AFF3: variants seen among roughly 807,000 people sequenced by gnomAD.
The protein encoded by AFF3 is ALF transcription elongation factor 3, also known as AF4/FMR2 family member 3.
Under a neutral mutation model 129.7 loss-of-function variants are expected in AFF3, and 32 were observed. That is an observed-to-expected ratio of 0.25 (90% confidence interval 0.19 to 0.33). The LOEUF (loss-of-function observed/expected upper bound fraction) is 0.33. AFF3 is among the 10% of genes least tolerant of loss of function. The pLI is 1.00. For synonymous variants in AFF3, 644 were observed against 635.4 expected, an observed-to-expected ratio of 1.01 and a Z score of -0.20; for missense variants, 1,373 against 1,592.0, an observed-to-expected ratio of 0.86 and a Z score of 2.34.
At chr2:99,842,916 CTCTT>C (rs1689428219) in intron 7 of AFF3, among the ~76,000 whole-genome samples, 1 of 152,164 alleles carries the variant, frequency 6.6e-6, no homozygotes, top group African/African-American at 2.4e-5. Flanking sequence ...AATAGTTTAA[CTCTT>C]TATCACACAC....
At chr2:99,722,859 T>G (rs553806141) in intron 11 of AFF3, among the ~76,000 whole-genome samples, 4 of 152,220 alleles carry the variant, frequency 2.6e-5, no homozygotes, top group African/African-American at 9.6e-5. Context: ...CCTCAAGCCA[T>G]TACAGCTGTG....
At chr2:99,563,930 T>C (rs1283470422) in intron 20 of AFF3, among the ~76,000 whole-genome samples, 1 of 152,022 alleles carries the variant, frequency 6.6e-6, no homozygotes, top group Non-Finnish European at 1.5e-5. Flanking sequence ...AGGTGGACAG[T>C]GTTCTCTACC....
intron 7 of AFF3, among the ~76,000 whole-genome samples, chr2:99,982,104 C>G (rs1180229181): frequency 6.6e-6 from 1 of 152,146 alleles, no homozygotes; most frequent in Admixed American, 6.5e-5. Context: ...GTGGGTGGGA[C>G]CAAACTACCA....
chr2:99,778,486 G>C (rs1256354353), intron 8 of AFF3, among the ~76,000 whole-genome samples: 1 of 152,086 alleles, frequency 6.6e-6, no homozygotes, highest in Non-Finnish European at 1.5e-5. Flanking sequence ...ACCATAACTG[G>C]CTGGGACAAT....
intron 8 of AFF3, among the ~76,000 whole-genome samples, chr2:99,753,025 T>C (rs889578395): frequency 5.3e-5 from 8 of 152,186 alleles, no homozygotes; most frequent in African/African-American, 1.9e-4. Flanking sequence ...CAATAAATGA[T>C]TACAGAATTA....
intron 7 of AFF3, among the ~76,000 whole-genome samples, chr2:99,895,500 C>A (rs1386541627): frequency 6.6e-6 from 1 of 152,188 alleles, no homozygotes; most frequent in East Asian, 1.9e-4. Flanking sequence ...TATTGAACTG[C>A]ATCCATTTAC....
intron 7 of AFF3, among the ~76,000 whole-genome samples, chr2:99,913,993 G>T (rs1276194406): frequency 3.3e-5 from 5 of 152,170 alleles, no homozygotes; most frequent in Non-Finnish European, 7.3e-5. Flanking sequence ...CATTTGGCAA[G>T]CACCACTGTA....
intron 7 of AFF3, among the ~76,000 whole-genome samples, chr2:99,932,321 TG>T (rs1166146438): frequency 6.6e-6 from 1 of 152,192 alleles, no homozygotes; most frequent in Admixed American, 6.5e-5. Context: ...TGGACACTCC[TG>T]GTATAGATGG....
intron 4 of AFF3, among the ~76,000 whole-genome samples, chr2:100,060,029 G>A (rs1157258968): frequency 1.3e-5 from 2 of 152,046 alleles, no homozygotes; most frequent in Non-Finnish European, 2.9e-5. Context: ...TGCAGTTAGA[G>A]AACACCCAAG....
At chr2:99,585,246 A>G (rs1035958443) in intron 16 of AFF3, among the ~76,000 whole-genome samples, 1 of 152,230 alleles carries the variant, frequency 6.6e-6, no homozygotes, top group Non-Finnish European at 1.5e-5. Context: ...GTGACATTAA[A>G]TATTATCATG....
intron 7 of AFF3, among the ~76,000 whole-genome samples, chr2:99,915,750 T>C (rs1695432333): frequency 6.6e-6 from 1 of 152,232 alleles, no homozygotes; most frequent in Admixed American, 6.5e-5. Flanking sequence ...AATTTGCTAT[T>C]TCTGGGTAGT....
chr2:99,609,190 T>C (rs1459400675), intron 13 of AFF3, among the ~76,000 whole-genome samples: 1 of 152,244 alleles, frequency 6.6e-6, no homozygotes, highest in Non-Finnish European at 1.5e-5. Context: ...TTTGTATTTT[T>C]TTCTTTATTT....
intron 13 of AFF3, among the ~76,000 whole-genome samples, chr2:99,634,621 C>T (rs2105426407): frequency 6.6e-6 from 1 of 152,250 alleles, no homozygotes. Context: ...TAATAGTTCT[C>T]CAGTCAGCTG....
intron 2 of AFF3, among the ~76,000 whole-genome samples, chr2:100,123,058 G>A (rs1466005712): frequency 6.6e-6 from 1 of 152,184 alleles, no homozygotes; most frequent in Non-Finnish European, 1.5e-5. Flanking sequence ...GTTCAAAAAT[G>A]GATGTAAAAA....
chr2:99,779,881 C>T (rs1391896392), intron 8 of AFF3, among the ~76,000 whole-genome samples: 2 of 152,198 alleles, frequency 1.3e-5, no homozygotes, highest in African/African-American at 4.8e-5. Context: ...AGAGCCACGA[C>T]CTGGATTCAG....
intron 8 of AFF3, among the ~76,000 whole-genome samples, chr2:99,834,473 T>C (rs772364696): frequency 3.3e-5 from 5 of 152,174 alleles, no homozygotes; most frequent in Non-Finnish European, 7.3e-5. Flanking sequence ...AGGGACGTAT[T>C]GCAATTGGAA....
intron 8 of AFF3, among the ~76,000 whole-genome samples, chr2:99,832,317 C>T (rs1411150999): frequency 2.0e-5 from 3 of 152,230 alleles, no homozygotes; most frequent in Admixed American, 6.5e-5. Context: ...GCTGTTCATT[C>T]TCAACAGGAG....
intron 4 of AFF3, among the ~76,000 whole-genome samples, chr2:100,045,303 C>T (rs1424642372): frequency 6.6e-6 from 1 of 152,166 alleles, no homozygotes; most frequent in African/African-American, 2.4e-5. Flanking sequence ...CGCATGTTCA[C>T]CGGCGCTCTT....
intron 7 of AFF3, among the ~76,000 whole-genome samples, chr2:99,994,812 C>G (rs543509427): frequency 6.6e-6 from 1 of 152,186 alleles, no homozygotes; most frequent in Non-Finnish European, 1.5e-5. Context: ...ATTTTTGTCA[C>G]TGATCTGCCT....
Sources: allele counts gnomAD v4.1 joint callset (sites outside exome capture counted in the v4.1 genomes callset), GRCh38; gene constraint gnomAD v4.1.1; transcripts MANE v1.5; gene names NCBI Gene and HGNC (gene_info 2026-07-23, HGNC 2026-07-21).